Variants in ANKS1B observed in about 807,000 individuals in gnomAD.
ANKS1B encodes ankyrin repeat and sterile alpha motif domain containing 1B.
Under a neutral mutation model 148.3 loss-of-function variants are expected in ANKS1B, and 36 were observed. The ratio of observed to expected loss-of-function variants is 0.24; its 90% CI spans 0.19 to 0.32. The LOEUF is 0.32. Among genes scored for constraint, ANKS1B ranks in the 10% least tolerant of loss-of-function variants. ANKS1B has a pLI of 1.00. For missense variants in ANKS1B, 1,157 were observed against 1,542.6 expected (o/e 0.75, Z 4.19); for synonymous variants, 542 against 560.8 (o/e 0.97, Z 0.47).
chr12:99,120,096 G>A (rs2062382836), intron 15 of ANKS1B, among the ~76,000 whole-genome samples: 1 of 152,196 alleles, frequency 6.6e-6, no homozygotes, highest in African/African-American at 2.4e-5. Flanking sequence ...CCCTGGACGG[G>A]ACACCCTCCC....
intron 8 of ANKS1B, among the ~76,000 whole-genome samples, chr12:99,750,166 T>C (rs953957568): frequency 6.6e-6 from 1 of 152,070 alleles, no homozygotes; most frequent in African/African-American, 2.4e-5. Flanking sequence ...GTGAGGCACT[T>C]ATAATTTATA....
chr12:99,187,766 A>G (rs2080072432), intron 14 of ANKS1B, among the ~76,000 whole-genome samples: 2 of 152,248 alleles, frequency 1.3e-5, no homozygotes, highest in Non-Finnish European at 2.9e-5. Flanking sequence ...CATTGACACT[A>G]TGAAGAAACT....
chr12:99,336,326 T>C (rs115632368), intron 12 of ANKS1B, among the ~76,000 whole-genome samples: 1,702 of 152,282 alleles, frequency 0.011, 38 homozygotes, highest in African/African-American at 0.038. Context: ...GTGGGTTGTC[T>C]CTTCACTTTG....
At chr12:99,922,421 GA>G (rs1022390122) in intron 1 of ANKS1B, among the ~76,000 whole-genome samples, 21 of 151,700 alleles carry the variant, frequency 1.4e-4, no homozygotes, top group African/African-American at 3.9e-4. Flanking sequence ...ACAAGAGTAG[GA>G]AAAAAAACAT....
At chr12:99,288,881 A>C (rs182882928) in intron 12 of ANKS1B, among the ~76,000 whole-genome samples, 4 of 152,186 alleles carry the variant, frequency 2.6e-5, no homozygotes, top group Non-Finnish European at 5.9e-5. Context: ...AACAAATAAC[A>C]AAATGGTGGT....
intron 8 of ANKS1B, among the ~76,000 whole-genome samples, chr12:99,691,721 C>A (rs1392497906): frequency 6.6e-6 from 1 of 152,182 alleles, no homozygotes; most frequent in Non-Finnish European, 1.5e-5. Flanking sequence ...GTCTTCTGAG[C>A]CCTCCAAACT....
At chr12:99,892,496 C>G (rs938249792) in intron 1 of ANKS1B, among the ~76,000 whole-genome samples, 11 of 152,030 alleles carry the variant, frequency 7.2e-5, no homozygotes, top group African/African-American at 2.7e-4. Context: ...GAACATGAAC[C>G]AACTTGAGAA....
chr12:99,075,947 T>A (rs2047739161), intron 16 of ANKS1B, among the ~76,000 whole-genome samples: 1 of 150,660 alleles, frequency 6.6e-6, no homozygotes, highest in Non-Finnish European at 1.5e-5. Flanking sequence ...CAATATAGCA[T>A]GTATATATAA....
At chr12:99,006,717 A>T (rs114909633) in intron 17 of ANKS1B, among the ~76,000 whole-genome samples, 1 of 152,236 alleles carries the variant, frequency 6.6e-6, no homozygotes, top group Non-Finnish European at 1.5e-5. Context: ...TAGACTGATA[A>T]CAATAGTGAT....
At chr12:99,354,411 AT>A (rs1282619849) in intron 12 of ANKS1B, among the ~76,000 whole-genome samples, 1 of 152,016 alleles carries the variant, frequency 6.6e-6, no homozygotes, top group African/African-American at 2.4e-5. Flanking sequence ...AAAGATCTGA[AT>A]TCAGAGTTTG....
intron 16 of ANKS1B, 59 bp from the exon 17 acceptor site, chr12:99,053,368 A>T: frequency 7.6e-7 from 1 of 1,314,332 alleles, no homozygotes; most frequent in Non-Finnish European, 1.0e-6. Context: ...CAACAACAGA[A>T]TGCAGATTTC....
intron 1 of ANKS1B, among the ~76,000 whole-genome samples, chr12:99,881,632 G>C (rs567997635): frequency 6.6e-6 from 1 of 152,278 alleles, no homozygotes; most frequent in South Asian, 2.1e-4. Context: ...ACAAAGACTT[G>C]AGAAATGAAT....
At chr12:99,600,537 G>T (rs11109939) in intron 9 of ANKS1B, among the ~76,000 whole-genome samples, 2 of 151,998 alleles carry the variant, frequency 1.3e-5, no homozygotes, top group Non-Finnish European at 2.9e-5. Context: ...AGAGCCTGAG[G>T]CTTTGACAAG....
chr12:99,529,007 C>T (rs190339473), intron 9 of ANKS1B, among the ~76,000 whole-genome samples: 18 of 152,158 alleles, frequency 1.2e-4, no homozygotes, highest in Admixed American at 2.0e-4. Context: ...GAGATGATAC[C>T]ATTTCAAATA....
intron 1 of ANKS1B, among the ~76,000 whole-genome samples, chr12:99,959,054 CTTTTTTT>C (rs149006911): frequency 8.3e-6 from 1 of 121,002 alleles, no homozygotes. Context: ...AAAGAACATG[CTTTTTTT>C]TTTTTTTTTT....
At chr12:99,919,962 T>C (rs909485630) in intron 1 of ANKS1B, among the ~76,000 whole-genome samples, 17 of 152,170 alleles carry the variant, frequency 1.1e-4, no homozygotes, top group African/African-American at 4.1e-4. Flanking sequence ...CCACTAGAAA[T>C]TTTAAATTTA....
At chr12:99,464,963 G>A (rs890772471) in intron 10 of ANKS1B, among the ~76,000 whole-genome samples, 1 of 152,144 alleles carries the variant, frequency 6.6e-6, no homozygotes, top group African/African-American at 2.4e-5. Context: ...TACTCCTCGA[G>A]AAGAGCAACT....
intron 1 of ANKS1B, among the ~76,000 whole-genome samples, chr12:99,848,061 T>C (rs760860156): frequency 4.6e-5 from 7 of 152,028 alleles, no homozygotes; most frequent in Admixed American, 3.3e-4. Flanking sequence ...TGAATGAGAC[T>C]GAGAGCCACA....
At chr12:99,014,874 C>A (rs2099941473) in intron 17 of ANKS1B, among the ~76,000 whole-genome samples, 1 of 152,102 alleles carries the variant, frequency 6.6e-6, no homozygotes, top group African/African-American at 2.4e-5. Context: ...ATAACAGATG[C>A]TGGTGAGGTT....
Sources: allele counts gnomAD v4.1 joint callset (sites outside exome capture counted in the v4.1 genomes callset), GRCh38; gene constraint gnomAD v4.1.1; transcripts MANE v1.5; gene names NCBI Gene and HGNC (gene_info 2026-07-23, HGNC 2026-07-21).